Variants in SLC9A2 observed in about 807,000 individuals in gnomAD.
SLC9A2 encodes solute carrier family 9 member A2, also known as sodium/hydrogen exchanger 2.
SLC9A2 carries 42 observed loss-of-function variants against 71.7 expected under a neutral mutation model. The observed-to-expected ratio is 0.59, with a 90% CI of 0.46 to 0.76. The LOEUF (loss-of-function observed/expected upper bound fraction) is 0.76, where lower values mean the gene tolerates loss of function less well. Among genes scored for constraint, SLC9A2 ranks in the 30% least tolerant of loss-of-function variants. The pLI, the probability that SLC9A2 is intolerant of heterozygous loss-of-function variation, is 0.00. For missense variants in SLC9A2, 829 were observed against 1,017.4 expected, an observed-to-expected ratio of 0.81 and a Z score of 2.52; for synonymous variants, 396 against 392.5, an observed-to-expected ratio of 1.01 and a Z score of -0.10.
chr2:102,658,415 A>G (rs1676986983), intron 2 of SLC9A2, among the ~76,000 whole-genome samples: 2 of 152,006 alleles, frequency 1.3e-5, no homozygotes, highest in South Asian at 4.2e-4. Flanking sequence ...ATAACTTAAA[A>G]GCCTTCAGAT....
intron 1 of SLC9A2, among the ~76,000 whole-genome samples, chr2:102,625,367 A>ACGTGC (rs1676226078): frequency 6.6e-6 from 1 of 152,160 alleles, no homozygotes; most frequent in African/African-American, 2.4e-5. Context: ...CATGTGCACA[A>ACGTGC]CGTGCAGGTT....
intron 5 of SLC9A2, among the ~76,000 whole-genome samples, chr2:102,693,055 TTATA>T (rs150875117): frequency 1.3e-5 from 2 of 149,362 alleles, no homozygotes; most frequent in African/African-American, 2.5e-5. Flanking sequence ...TACTAGTATT[TTATA>T]TATATATATA....
chr2:102,685,270 G>A (rs1200510965), intron 5 of SLC9A2, among the ~76,000 whole-genome samples: 1 of 152,228 alleles, frequency 6.6e-6, no homozygotes, highest in Non-Finnish European at 1.5e-5. Flanking sequence ...GTGGCACAGA[G>A]TGTGGTGTGG....
At position 102,623,708 on chromosome 2, in the gene SLC9A2, A is replaced by G. The variant is rs1676188590; in HGVS notation, c.289+3571A>G. 2.0e-5 allele frequency among the ~76,000 whole-genome samples: 3 copies of G among 152,124 alleles called. No homozygotes were observed. In the South Asian group the frequency reaches 6.2e-4, roughly 31 times the overall value. On this transcript the variant is annotated intron_variant, in intron 1 of 11. Coordinates refer to ENST00000233969, the MANE Select transcript of SLC9A2 (RefSeq NM_003048.6). ...GTAATGCAAATGCTAACCCCTGCAA[A>G]ATGCCATGGTTTCTATTTGGGGCAC...
At chr2:102,691,824 A>AG (rs1677669604) in intron 5 of SLC9A2, among the ~76,000 whole-genome samples, 1 of 152,190 alleles carries the variant, frequency 6.6e-6, no homozygotes, top group Non-Finnish European at 1.5e-5. Flanking sequence ...GATCATCTGT[A>AG]GGGTGGAAGG....
At chr2:102,669,325 T>C (rs1371756028) in intron 3 of SLC9A2, among the ~76,000 whole-genome samples, 4 of 152,252 alleles carry the variant, frequency 2.6e-5, no homozygotes, top group African/African-American at 9.6e-5. Context: ...TTTTATTGTA[T>C]ATTCAGAAGG....
intron 5 of SLC9A2, 86 bp downstream of exon 5, chr2:102,684,422 G>T (rs76805227): frequency 1.6e-6 from 2 of 1,233,476 alleles, no homozygotes; most frequent in Admixed American, 1.7e-5. Context: ...AGTAGCAAAG[G>T]TGTGTTGAAA....
At chr2:102,640,730 A>T (rs960612731) in intron 1 of SLC9A2, among the ~76,000 whole-genome samples, 11 of 152,054 alleles carry the variant, frequency 7.2e-5, no homozygotes, top group African/African-American at 2.7e-4. Flanking sequence ...AGGTGATGGA[A>T]CTCAACCTCC....
At chr2:102,654,254 C>T (rs978582222) in intron 1 of SLC9A2, among the ~76,000 whole-genome samples, 1 of 131,540 alleles carries the variant, frequency 7.6e-6, no homozygotes, top group African/African-American at 2.9e-5. Flanking sequence ...TCTTATCACA[C>T]ACTAGCAGGT....
In SLC9A2 at chr2:102,702,484, C is replaced by G. The variant is rs146755145; in HGVS notation, c.1827C>G (p.Leu609=). Residue 609 remains leucine (L), a synonymous_variant, in exon 9 of 12, where the codon CTC becomes CTG. Coordinates refer to ENST00000233969, the MANE Select transcript of SLC9A2 (RefSeq NM_003048.6). Reference sequence around the variant, plus strand: ...TTCGAGAACTCTTATCAAGAAATCTCTATCAAATCCGTCAGCGAGTAAGAA... The same window carrying G: ...TTCGAGAACTCTTATCAAGAAATCTGTATCAAATCCGTCAGCGAGTAAGAA... ...DEIRELLSRN[L]YQIRQRTLSY... 1.5e-4 allele frequency: 240 copies of G among 1,585,686 alleles called. 1 individual carries two copies. The highest frequency in any genetic ancestry group is 2.0e-4 in the Non-Finnish European group (230 of 1,162,710).
At chr2:102,666,211 T>TG (rs1677136754) in intron 3 of SLC9A2, among the ~76,000 whole-genome samples, 1 of 149,288 alleles carries the variant, frequency 6.7e-6, no homozygotes, top group Non-Finnish European at 1.5e-5. Context: ...TTTTTTTTTT[T>TG]TTGAGGCGGA....
intron 1 of SLC9A2, among the ~76,000 whole-genome samples, chr2:102,632,205 G>A (rs1266776664): frequency 1.1e-4 from 14 of 129,306 alleles, no homozygotes; most frequent in Admixed American, 8.0e-5. Flanking sequence ...TGAAAGTGGG[G>A]ATATAAATAT....
At chr2:102,630,868 T>C (rs1401515079) in intron 1 of SLC9A2, among the ~76,000 whole-genome samples, 1 of 152,064 alleles carries the variant, frequency 6.6e-6, no homozygotes, top group Non-Finnish European at 1.5e-5. Flanking sequence ...CATTTTATAG[T>C]CTCTTTTGGA....
chr2:102,665,492 C>T (rs1013840284), intron 3 of SLC9A2, 142 bp downstream of exon 3: 15 of 957,170 alleles, frequency 1.6e-5, no homozygotes, highest in East Asian at 1.1e-4. Context: ...ATAGATTTTT[C>T]GGACGGGCAC....
intron 9 of SLC9A2, among the ~76,000 whole-genome samples, chr2:102,703,406 C>T (rs1286892004): frequency 6.6e-6 from 1 of 152,264 alleles, no homozygotes; most frequent in Middle Eastern, 3.4e-3. Flanking sequence ...GCCCAGGTAG[C>T]TTTCTCGCTG....
intron 1 of SLC9A2, among the ~76,000 whole-genome samples, chr2:102,635,669 A>G (rs1025427372): frequency 2.0e-5 from 3 of 152,220 alleles, no homozygotes; most frequent in Admixed American, 2.0e-4. Context: ...ACTGTTTTAT[A>G]TTTTCAATCA....
chr2:102,690,166 G>A (rs527740086), intron 5 of SLC9A2, among the ~76,000 whole-genome samples: 2 of 152,228 alleles, frequency 1.3e-5, no homozygotes, highest in South Asian at 4.2e-4. Flanking sequence ...AGCCCAGGAG[G>A]CCGGAAAGGG....
At chr2:102,626,649 G>A (rs957803445) in intron 1 of SLC9A2, among the ~76,000 whole-genome samples, 26 of 152,154 alleles carry the variant, frequency 1.7e-4, no homozygotes, top group African/African-American at 6.3e-4. Context: ...TACAGAGTGG[G>A]AGAAAATTTT....
rs929090857 is a variant in SLC9A2 at position 102,679,804 on chromosome 2, G to C, written c.1005-3457G>C. ...TGAATGATATGAACATAATTTCAGA[G>C]GGAAATGTTTAGAACATTTAGAGAA... On this transcript the variant is annotated intron_variant, in intron 3 of 11. Coordinates refer to ENST00000233969, the MANE Select transcript of SLC9A2 (RefSeq NM_003048.6). 2.0e-5 allele frequency among the ~76,000 whole-genome samples: 3 copies of C among 152,246 alleles called. No individual in the cohort carries two copies. The East Asian group carries it at 5.8e-4, about 29-fold the overall frequency.
Sources: gnomAD v4.1 joint callset for allele counts (sites outside exome capture counted in the v4.1 genomes callset) on GRCh38, gnomAD v4.1.1 for gene constraint, MANE v1.5 for transcripts, NCBI Gene and HGNC (gene_info 2026-07-23, HGNC 2026-07-21) for gene names.